NDRG1: variants seen among roughly 807,000 people sequenced by gnomAD.
The protein encoded by NDRG1 is N-myc downstream regulated 1.
NDRG1 carries 32 observed loss-of-function variants against 56.9 expected under a neutral mutation model. The ratio of observed to expected loss-of-function variants is 0.56; its 90% confidence interval spans 0.42 to 0.76. The LOEUF is 0.76. NDRG1 is among the 30% of genes least tolerant of loss of function. NDRG1 has a pLI of 0.00. For missense variants in NDRG1, 507 were observed against 545.7 expected (o/e 0.93, Z 0.71); for synonymous variants, 211 against 204.1 (o/e 1.03, Z -0.29).
intron 6 of NDRG1, 42 bp from the exon 7 acceptor site, chr8:133,258,468 T>C: frequency 6.3e-7 from 1 of 1,583,478 alleles, no homozygotes; most frequent in East Asian, 2.3e-5. Flanking sequence ...AAGGACAGAG[T>C]GACGGGAGCC....
At chr8:133,263,917 G>GAAAAA (rs35761411) in intron 4 of NDRG1, among the ~76,000 whole-genome samples, 3 of 107,202 alleles carry the variant, frequency 2.8e-5, no homozygotes, top group East Asian at 2.7e-4. Flanking sequence ...TTCTGTCTCA[G>GAAAAA]AAAAAAAAAA....
intron 1 of NDRG1, among the ~76,000 whole-genome samples, chr8:133,292,545 G>A (rs1481864274): frequency 1.3e-5 from 2 of 152,140 alleles, no homozygotes; most frequent in Non-Finnish European, 2.9e-5. Flanking sequence ...GAGAAAGGAG[G>A]AGAGTTCCAT....
Position 133,238,860 on chromosome 8 carries a change from G to A in NDRG1, c.*18C>T, listed in dbSNP as rs1008102394. 2.9e-5 allele frequency: 45 copies of A among 1,547,066 alleles called. No individual in the cohort carries two copies. In the African/African-American group the frequency reaches 4.6e-4, roughly 16 times the overall value. On this transcript the variant is annotated 3_prime_UTR_variant, in exon 16 of 16. Coordinates refer to ENST00000323851, the MANE Select transcript of NDRG1 (RefSeq NM_006096.4). ...ACTACAGAGATCAGAGTCCGGGGGC[G>A]GCAGCTGGGCAGGCCGCCTAGCAGG...
At position 133,238,869 on chromosome 8, in the gene NDRG1, G is replaced by C. The variant is rs1186593427; in HGVS notation, c.*9C>G. 3 of 1,549,644 alleles carry C rather than the reference G, an allele frequency of 1.9e-6. No homozygotes were observed. Among genetic ancestry groups the C allele is most frequent in the South Asian group, 1.2e-5 (1 of 84,226 alleles). ...ATCAGAGTCCGGGGGCGGCAGCTGG[G>C]CAGGCCGCCTAGCAGGAGACCTCCA... is the stretch of plus-strand genomic sequence containing the variant. On this transcript the variant is annotated 3_prime_UTR_variant, in exon 16 of 16. Coordinates refer to ENST00000323851, the MANE Select transcript of NDRG1 (RefSeq NM_006096.4).
Position 133,237,744 on chromosome 8 carries a change from G to A in NDRG1, c.*1134C>T, listed in dbSNP as rs764696488. ...GTTCTGAGGATCCAAGAACGTGACCGGGTCAGACAGGTTCAGCTACTGAGT... is the reference window on the plus strand; with the variant it reads ...GTTCTGAGGATCCAAGAACGTGACCAGGTCAGACAGGTTCAGCTACTGAGT... On this transcript the variant is annotated 3_prime_UTR_variant, in exon 16 of 16. Coordinates refer to ENST00000323851, the MANE Select transcript of NDRG1 (RefSeq NM_006096.4). 1.1e-4 allele frequency: 20 copies of A among 176,426 alleles called. 1 individual carries two copies. Among genetic ancestry groups the A allele is most frequent in the Admixed American group, 1.1e-3 (15 of 13,802 alleles). The allele number at this position is 176,426 out of a possible 1,614,324, so 10.9% of individuals were successfully genotyped here.
At chr8:133,280,735 G>C (rs2976577) in intron 2 of NDRG1, among the ~76,000 whole-genome samples, 90,094 of 151,884 alleles carry the variant, frequency 0.59, 27,880 homozygotes, top group African/African-American at 0.78. Flanking sequence ...GTGCCCAGCC[G>C]AGACTTTCCT....
At chr8:133,296,569 T>C (rs2130823492) in intron 1 of NDRG1, 2 of 455,856 alleles carry the variant, frequency 4.4e-6, no homozygotes, top group Non-Finnish European at 8.8e-6. Context: ...TCCACACCCG[T>C]TCCCGACCCA....
At chr8:133,255,328 G>A (rs1856309329) in intron 8 of NDRG1, 1 of 456,148 alleles carries the variant, frequency 2.2e-6, no homozygotes, top group Non-Finnish European at 4.4e-6. Flanking sequence ...AAGGCCACAA[G>A]GTCAAGGGAA....
chr8:133,246,485 T>C (rs1855685859), intron 13 of NDRG1, 131 bp downstream of exon 13: 25 of 998,514 alleles, frequency 2.5e-5, no homozygotes, highest in East Asian at 2.1e-4. Flanking sequence ...CATAAACAGA[T>C]AGATTAAATC....
At position 133,264,556 on chromosome 8, in the gene NDRG1, C is replaced by T. The variant is rs780329667; in HGVS notation, c.196G>A (p.Gly66Ser). 16 of 1,613,968 alleles carry T rather than the reference C, an allele frequency of 9.9e-6. No homozygotes were observed. Among genetic ancestry groups the T allele is most frequent in the East Asian group, 4.5e-5 (2 of 44,890 alleles). ...GCTCCTCAGAACTTACGGTTCATGC[C>T]GATGTCATGGTAGGTGAGGATGACA... ...RPVILTYHDI[G>S]MNHKTCYNPL... is the part of the protein sequence containing the mutation. The change falls in exon 4 of 16, where the codon GGC becomes AGC. Residue 66 changes from glycine (G) to serine (S), a missense_variant. Coordinates refer to ENST00000323851, the MANE Select transcript of NDRG1 (RefSeq NM_006096.4).
At chr8:133,294,103 A>G (rs1306586494) in intron 1 of NDRG1, among the ~76,000 whole-genome samples, 1 of 152,208 alleles carries the variant, frequency 6.6e-6, no homozygotes, top group Non-Finnish European at 1.5e-5. Context: ...ATTTTACAGA[A>G]AAGCAAACTG....
At chr8:133,247,660 A>G (rs1008044778) in intron 12 of NDRG1, among the ~76,000 whole-genome samples, 2 of 152,198 alleles carry the variant, frequency 1.3e-5, no homozygotes, top group Non-Finnish European at 2.9e-5. Flanking sequence ...GGGACCTGGG[A>G]GAGGAGACAC....
At chr8:133,255,521 G>A (rs151109785) in intron 8 of NDRG1, 168 of 380,538 alleles carry the variant, frequency 4.4e-4, no homozygotes, top group African/African-American at 3.2e-3. Context: ...CCAGACCTTC[G>A]AGTCTCACTC....
chr8:133,250,618 C>T (rs1040641042), intron 9 of NDRG1, 75 bp from the exon 10 acceptor site: 15 of 1,216,654 alleles, frequency 1.2e-5, no homozygotes, highest in African/African-American at 4.5e-5. Context: ...CTCCATTCTC[C>T]AGGTTATTTG....
At position 133,248,698 on chromosome 8, in the gene NDRG1, A is replaced by G. The variant is rs776796207; in HGVS notation, c.755+17T>C. 1 of 1,614,030 alleles carries G rather than the reference A, an allele frequency of 6.2e-7. No homozygotes were observed. The highest frequency in any genetic ancestry group is 8.5e-7 in the Non-Finnish European group (1 of 1,179,976). Reference sequence around the variant, plus strand: ...CAGCCCCGACTGCAAGTGCTGGGGGAGAGAAAAGCCACTCACTGCAGGGTG... The same window carrying G: ...CAGCCCCGACTGCAAGTGCTGGGGGGGAGAAAAGCCACTCACTGCAGGGTG... On this transcript the variant is annotated intron_variant, in intron 11 of 15. Coordinates refer to ENST00000323851, the MANE Select transcript of NDRG1 (RefSeq NM_006096.4).
chr8:133,293,608 T>C (rs1343672369), intron 1 of NDRG1, among the ~76,000 whole-genome samples: 4 of 152,234 alleles, frequency 2.6e-5, no homozygotes, highest in Non-Finnish European at 5.9e-5. Context: ...ACTAATTCCC[T>C]GGCACTGTGG....
At chr8:133,240,883 T>C (rs1855341247) in intron 15 of NDRG1, 1 of 152,158 alleles carries the variant, frequency 6.6e-6, no homozygotes, top group Non-Finnish European at 1.5e-5. Context: ...CTGTCTCCAA[T>C]GACAACCTTT....
chr8:133,277,679 TGG>T (rs1857530472), intron 3 of NDRG1, among the ~76,000 whole-genome samples: 1 of 152,220 alleles, frequency 6.6e-6, no homozygotes, highest in African/African-American at 2.4e-5. Flanking sequence ...GTAGTTAAGT[TGG>T]TAAATTGGAT....
At chr8:133,259,253 A>G (rs1856541766) in intron 5 of NDRG1, 23 bp from the exon 6 acceptor site, 1 of 1,612,336 alleles carries the variant, frequency 6.2e-7, no homozygotes. Context: ...CAGAGAAGCC[A>G]TTAGTGAGCG....
Sources: gnomAD v4.1 joint callset for allele counts (sites outside exome capture counted in the v4.1 genomes callset) on GRCh38, gnomAD v4.1.1 for gene constraint, MANE v1.5 for transcripts, NCBI Gene and HGNC (gene_info 2026-07-23, HGNC 2026-07-21) for gene names.